Variants in SVIL observed in about 807,000 individuals in gnomAD.
SVIL encodes supervillin.
SVIL carries 101 observed loss-of-function variants against 240.4 expected under a neutral mutation model. The ratio of observed to expected loss-of-function variants is 0.42; its 90% CI spans 0.36 to 0.50. The LOEUF (loss-of-function observed/expected upper bound fraction) is 0.50. Ranked by LOEUF, SVIL falls within the 20% of genes least tolerant of loss-of-function variation. The probability of loss-of-function intolerance (pLI) is 0.01; values close to 1 mark genes in which losing one functional copy is unlikely to be tolerated. For synonymous variants in SVIL, 999 were observed against 1,100.0 expected, an observed-to-expected ratio of 0.91 and a Z score of 1.82; for missense variants, 2,512 against 2,818.7, an observed-to-expected ratio of 0.89 and a Z score of 2.46.
intron 5 of SVIL, among the ~76,000 whole-genome samples, 166 bp from the exon 6 acceptor site, chr10:29,551,429 G>C (rs928441123): frequency 2.0e-5 from 3 of 152,238 alleles, no homozygotes; most frequent in African/African-American, 7.2e-5. Flanking sequence ...TACCTGGGCT[G>C]TTGAAGAAGT....
intron 1 of SVIL, among the ~76,000 whole-genome samples, chr10:29,710,641 G>A (rs1446372173): frequency 3.9e-5 from 6 of 152,156 alleles, no homozygotes; most frequent in African/African-American, 1.4e-4. Context: ...AAAAGAGTCA[G>A]TTAATAACAA....
intron 1 of SVIL, among the ~76,000 whole-genome samples, chr10:29,606,840 T>C (rs2887232): frequency 0.036 from 5,532 of 152,160 alleles, 137 homozygotes; most frequent in Admixed American, 0.07. Flanking sequence ...TGGCAACCTC[T>C]GCCTCCTGTG....
intron 2 of SVIL, among the ~76,000 whole-genome samples, chr10:29,662,429 T>C (rs536317242): frequency 6.6e-6 from 1 of 152,374 alleles, no homozygotes; most frequent in South Asian, 2.1e-4. Flanking sequence ...ATAATCATTA[T>C]TGTTATTTGA....
intron 1 of SVIL, among the ~76,000 whole-genome samples, chr10:29,698,920 G>A (rs141365829): frequency 6.6e-6 from 1 of 152,168 alleles, no homozygotes; most frequent in Non-Finnish European, 1.5e-5. Context: ...CCCTCCGGCT[G>A]TGACTACACC....
intron 1 of SVIL, among the ~76,000 whole-genome samples, chr10:29,700,468 CTT>C (rs71281545): frequency 1.1e-4 from 12 of 113,110 alleles, no homozygotes; most frequent in Admixed American, 2.1e-4. Flanking sequence ...TTACTATTTC[CTT>C]TTTTTTTTTT....
intron 1 of SVIL, among the ~76,000 whole-genome samples, chr10:29,687,033 C>T (rs1002116527): frequency 7.2e-5 from 11 of 152,202 alleles, no homozygotes; most frequent in Admixed American, 3.3e-4. Flanking sequence ...AGTCATGCAA[C>T]ACCCTCTTTC....
Position 29,480,622 on chromosome 10 carries a change from A to G in SVIL, c.5292T>C (p.Tyr1764=), listed in dbSNP as rs369071263. Residue 1764 remains tyrosine (Y), a synonymous_variant, in exon 29 of 38, where the codon TAT becomes TAC. Coordinates refer to ENST00000355867, the MANE Select transcript of SVIL (RefSeq NM_021738.3). ...VDVWHILEFD[Y]SRLPKQSIGQ... ...CGATGCTTTGTTTGGGGAGCCTGCT[A>G]TAGTCGAATTCCAGGATGTGCCAGA... The G allele has an allele frequency of 5.4e-5, 87 of 1,614,078 alleles. No homozygotes were observed. The highest frequency in any genetic ancestry group is 8.8e-5 in the South Asian group (8 of 91,094).
intron 1 of SVIL, among the ~76,000 whole-genome samples, chr10:29,591,523 C>CAATAGT (rs1453935498): frequency 2.6e-5 from 4 of 152,184 alleles, no homozygotes; most frequent in Non-Finnish European, 5.9e-5. Context: ...AAACCTGATG[C>CAATAGT]AATCCTGTGC....
intron 1 of SVIL, among the ~76,000 whole-genome samples, chr10:29,573,649 C>T (rs1197257502): frequency 2.0e-5 from 3 of 151,880 alleles, no homozygotes; most frequent in African/African-American, 4.8e-5. Flanking sequence ...CAAACATTTC[C>T]TCACGTCATT....
intron 1 of SVIL, among the ~76,000 whole-genome samples, chr10:29,633,088 T>A (rs1958168225): frequency 6.6e-6 from 1 of 151,850 alleles, no homozygotes; most frequent in Non-Finnish European, 1.5e-5. Context: ...AAAAAAAAAT[T>A]AGCTGGATAT....
chr10:29,553,478 G>C (rs1466445658), intron 5 of SVIL, among the ~76,000 whole-genome samples: 1 of 152,134 alleles, frequency 6.6e-6, no homozygotes, highest in African/African-American at 2.4e-5. Context: ...CTACTCCAGA[G>C]GCTGAGGCAG....
At chr10:29,720,482 A>C (rs543309308) in intron 1 of SVIL, among the ~76,000 whole-genome samples, 2 of 152,248 alleles carry the variant, frequency 1.3e-5, no homozygotes, top group African/African-American at 4.8e-5. Context: ...GACATATAAA[A>C]ATGGAATGAA....
At position 29,530,645 on chromosome 10, in the gene SVIL, C is replaced by T. The variant is rs747251271; in HGVS notation, c.2068G>A (p.Ala690Thr). 1 of 1,614,168 alleles carries T rather than the reference C, an allele frequency of 6.2e-7. No homozygotes were observed. The highest frequency in any genetic ancestry group is 1.7e-5 in the Admixed American group (1 of 60,026). Residue 690 changes from alanine (A) to threonine (T), a missense_variant, in exon 11 of 38, where the codon GCC becomes ACC. Physicochemically the swap from Ala to Thr is moderately conservative, Grantham distance 58 (BLOSUM62 0). This residue lies in a region of SVIL where 1,443 missense variants were observed against 1,486.6 expected (regional missense o/e 0.97). Transcript: ENST00000355867. Reference protein sequence around the residue: ...VDDEEKVDERAKLSVAAKRLL... With the variant: ...VDDEEKVDERTKLSVAAKRLL... The stretch of plus-strand genomic sequence containing the variant: ...CTCTTGGCGGCGACGCTCAGCTTGG[C>T]TCGTTCATCCACCTTTTCTTCATCT...
Position 29,532,014 on chromosome 10 carries a change from T to C in SVIL, c.1997A>G (p.Lys666Arg). The C allele has an allele frequency of 6.2e-7, 1 of 1,614,222 alleles. No homozygotes were observed. The highest frequency in any genetic ancestry group is 8.5e-7 in the Non-Finnish European group (1 of 1,180,032). The change falls in exon 9 of 38, where the codon AAG becomes AGG. Residue 666 changes from lysine to arginine, a missense_variant. Lys to Arg is a conservative substitution (Grantham distance 26). This residue lies in a region of SVIL where 1,443 missense variants were observed against 1,486.6 expected (regional missense o/e 0.97). Coordinates refer to ENST00000355867, the MANE Select transcript of SVIL (RefSeq NM_021738.3). ...TACGCATGCCTACCTATCCGATTCCTTTCGTTCTGCTGAAGTTATAGGTTG... is the reference window on the plus strand; with the variant it reads ...TACGCATGCCTACCTATCCGATTCCCTTCGTTCTGCTGAAGTTATAGGTTG... ...RTQPITSAER[K>R]ESDRCTSHSE...
chr10:29,602,296 G>A (rs762495607), intron 1 of SVIL: 31 of 533,560 alleles, frequency 5.8e-5, no homozygotes, highest in South Asian at 9.8e-5. Flanking sequence ...GGTGTACCAC[G>A]GTTCATGAAG....
At chr10:29,519,893 C>T (rs556394894) in intron 16 of SVIL, among the ~76,000 whole-genome samples, 44 of 152,310 alleles carry the variant, frequency 2.9e-4, no homozygotes, top group East Asian at 9.6e-4. Context: ...AATACACTTC[C>T]GGGCTGTTCA....
chr10:29,673,993 C>A (rs1333730824), intron 2 of SVIL, among the ~76,000 whole-genome samples: 1 of 152,136 alleles, frequency 6.6e-6, no homozygotes, highest in Non-Finnish European at 1.5e-5. Context: ...TTGTCTATAA[C>A]AAGAGCCTCA....
chr10:29,606,729 T>C (rs983378013), intron 1 of SVIL, among the ~76,000 whole-genome samples: 1 of 152,150 alleles, frequency 6.6e-6, no homozygotes, highest in Admixed American at 6.5e-5. Flanking sequence ...GCATTTGTGG[T>C]TTCATTTTTA....
chr10:29,520,408 C>T (rs1451267841), intron 16 of SVIL, among the ~76,000 whole-genome samples: 3 of 152,216 alleles, frequency 2.0e-5, no homozygotes, highest in Admixed American at 2.0e-4. Context: ...GGCCCAACTG[C>T]TTCCCCGATT....
Sources: gnomAD v4.1 joint callset for allele counts (sites outside exome capture counted in the v4.1 genomes callset) on GRCh38, gnomAD v4.1.1 for gene constraint, gnomAD v4.1.1 regional missense constraint, MANE v1.5 for transcripts, NCBI Gene and HGNC (gene_info 2026-07-23, HGNC 2026-07-21) for gene names.